Variants in RBFOX1 observed in about 807,000 individuals in gnomAD.
RBFOX1 encodes RNA binding protein fox-1 homolog 1.
A neutral mutation model predicts 57.7 loss-of-function variants in RBFOX1; 8 were observed. The observed-to-expected ratio is 0.14, with a 90% CI of 0.08 to 0.25. The LOEUF (loss-of-function observed/expected upper bound fraction) is 0.25. Among genes scored for constraint, RBFOX1 ranks in the 10% least tolerant of loss-of-function variants. The pLI is 1.00. For missense variants in RBFOX1, 611 were observed against 548.5 expected (o/e 1.11, Z -1.14); for synonymous variants, 326 against 222.4 (o/e 1.47, Z -4.15).
chr16:5,552,101 T>C (rs755115529), intron 2 of RBFOX1, among the ~76,000 whole-genome samples: 18 of 152,142 alleles, frequency 1.2e-4, no homozygotes, highest in Non-Finnish European at 2.4e-4. Flanking sequence ...ACCGTGAAAT[T>C]GAACTAAGAT....
chr16:7,351,560 A>G (rs76558329), intron 4 of RBFOX1, among the ~76,000 whole-genome samples: 1 of 152,236 alleles, frequency 6.6e-6, no homozygotes, highest in East Asian at 1.9e-4. Context: ...GTAAGAGGGA[A>G]GAAACAGTTA....
rs1247108817 is a variant in RBFOX1, at chr16:7,664,787, C to G, written c.891-142C>G. On this transcript the variant is annotated intron_variant, in intron 12 of 15. Coordinates refer to ENST00000550418, the MANE Select transcript of RBFOX1 (RefSeq NM_018723.4). The stretch of plus-strand genomic sequence containing the variant: ...GCTCAACTGCCGTTGTCTCCAACCT[C>G]CTTAATCCAATGTGAAAACGATCCT... 6.0e-6 allele frequency: 9 copies of G among 1,506,528 alleles called. No individual in the cohort carries two copies. The Admixed American group carries it at 1.0e-4, about 17-fold the overall frequency. 93.3% of individuals were successfully genotyped at this position (1,506,528 alleles called of 1,614,324 possible).
chr16:7,688,357 A>G (rs2147221762), intron 14 of RBFOX1, among the ~76,000 whole-genome samples: 1 of 152,120 alleles, frequency 6.6e-6, no homozygotes, highest in East Asian at 1.9e-4. Context: ...ATATTTAACA[A>G]TAGCAATGTA....
At chr16:7,183,515 T>G (rs1251660160) in intron 4 of RBFOX1, among the ~76,000 whole-genome samples, 2 of 152,242 alleles carry the variant, frequency 1.3e-5, no homozygotes, top group Admixed American at 1.3e-4. Flanking sequence ...ATGCTTTATC[T>G]ATTTTTTCTT....
intron 1 of RBFOX1, among the ~76,000 whole-genome samples, chr16:5,352,406 C>T (rs548639318): frequency 1.3e-5 from 2 of 152,300 alleles, no homozygotes; most frequent in South Asian, 2.1e-4. Flanking sequence ...AGAAAAGTTG[C>T]GGACATCTAC....
At chr16:7,558,748 T>C (rs1406555139) in intron 5 of RBFOX1, among the ~76,000 whole-genome samples, 2 of 152,194 alleles carry the variant, frequency 1.3e-5, no homozygotes, top group Non-Finnish European at 2.9e-5. Context: ...GGAATGTGCA[T>C]TTCTAAAGAG....
rs961900238 is a variant in RBFOX1 at position 7,186,824 on chromosome 16, C to G, written c.27+134726C>G. 1.2e-3 allele frequency among the ~76,000 whole-genome samples: 181 copies of G among 150,888 alleles called. 1 individual carries two copies. The highest frequency in any genetic ancestry group is 4.3e-3 in the African/African-American group (178 of 41,178). ...TATCCAGTCTGTATTAAAATGTATT[C>G]AGTGTTTTGAACAATATTCTTTATG... On this transcript the variant is annotated intron_variant, in intron 4 of 15. Transcript: ENST00000550418.
intron 2 of RBFOX1, among the ~76,000 whole-genome samples, chr16:6,514,473 A>G (rs1262731199): frequency 1.3e-5 from 2 of 152,154 alleles, no homozygotes; most frequent in African/African-American, 2.4e-5. Context: ...CCTCAACTAA[A>G]TTATTTTTCA....
intron 3 of RBFOX1, among the ~76,000 whole-genome samples, chr16:5,606,492 C>T (rs1293016073): frequency 1.3e-5 from 2 of 152,170 alleles, no homozygotes; most frequent in Admixed American, 6.5e-5. Context: ...TCACTCACCT[C>T]CTCTCTCCCT....
intron 3 of RBFOX1, among the ~76,000 whole-genome samples, chr16:6,881,397 C>A (rs2062902678): frequency 6.6e-6 from 1 of 152,136 alleles, no homozygotes; most frequent in South Asian, 2.1e-4. Context: ...GACTAGAAGT[C>A]CAGAATGAAG....
At chr16:5,597,606 G>T (rs1217269685) in intron 2 of RBFOX1, among the ~76,000 whole-genome samples, 4 of 151,830 alleles carry the variant, frequency 2.6e-5, no homozygotes, top group African/African-American at 9.7e-5. Flanking sequence ...CACCATGTTG[G>T]CCAGACTAGT....
At chr16:5,898,746 C>A (rs894086352) in intron 4 of RBFOX1, among the ~76,000 whole-genome samples, 1 of 151,736 alleles carries the variant, frequency 6.6e-6, no homozygotes. Flanking sequence ...TGTAGCTTCC[C>A]TCTCATTAAT....
chr16:6,511,337 A>G (rs768521518), intron 2 of RBFOX1, among the ~76,000 whole-genome samples: 4 of 152,184 alleles, frequency 2.6e-5, no homozygotes, highest in East Asian at 1.9e-4. Context: ...AATCTCTTCT[A>G]TGCTTTTTCT....
At position 7,661,145 on chromosome 16, in the gene RBFOX1, C is replaced by T. The variant is rs184553518; in HGVS notation, c.891-3784C>T. Among the ~76,000 whole-genome samples the T allele has an allele frequency of 9.2e-5, 14 of 152,288 alleles. No individual in the cohort carries two copies. In the East Asian group the frequency reaches 2.5e-3, roughly 27 times the overall value. On this transcript the variant is annotated intron_variant, in intron 12 of 15. Coordinates refer to ENST00000550418, the MANE Select transcript of RBFOX1 (RefSeq NM_018723.4). ...TTTTGGTAAAATTGGCTTCCCATTA[C>T]ATGGCTTTATTTCACACTGCCGGTG...
chr16:5,283,805 C>T (rs1353050952), intron 1 of RBFOX1, among the ~76,000 whole-genome samples: 1 of 152,140 alleles, frequency 6.6e-6, no homozygotes, highest in African/African-American at 2.4e-5. Context: ...TGCCTTGTGT[C>T]ACATGAGACT....
In RBFOX1 at chr16:5,805,416, A is replaced by G. The variant is rs9921360; in HGVS notation, c.319-61887A>G. The stretch of plus-strand genomic sequence containing the variant: ...ATGCAAATGTGAATTCTGATCCTCA[A>G]TTCCCTCATCTTTAATATGAAGCTG... On this transcript the variant is annotated intron_variant, in intron 3 of 19. Coordinates refer to the RBFOX1 transcript ENST00000641259. Among the ~76,000 whole-genome samples, 1,202 of 152,318 alleles carry G rather than the reference A, an allele frequency of 7.9e-3. 19 individuals carry two copies. The highest frequency in any genetic ancestry group is 0.027 in the African/African-American group (1,124 of 41,570).
At chr16:5,669,674 A>G (rs559400058) in intron 3 of RBFOX1, among the ~76,000 whole-genome samples, 20 of 152,088 alleles carry the variant, frequency 1.3e-4, no homozygotes, top group Non-Finnish European at 2.4e-4. Context: ...TGCCTTGGCC[A>G]CCCAAAGTGG....
chr16:5,753,111 G>A (rs989183951), intron 3 of RBFOX1, among the ~76,000 whole-genome samples: 1 of 151,816 alleles, frequency 6.6e-6, no homozygotes, highest in Non-Finnish European at 1.5e-5. Flanking sequence ...AGTGAGCTGT[G>A]ATCACACCAC....
At chr16:6,344,261 G>C (rs933310697) in intron 2 of RBFOX1, among the ~76,000 whole-genome samples, 2 of 151,978 alleles carry the variant, frequency 1.3e-5, no homozygotes, top group African/African-American at 4.8e-5. Context: ...ATGTTGGCCA[G>C]GATGGTCTCT....
Sources: gnomAD v4.1 joint callset for allele counts (sites outside exome capture counted in the v4.1 genomes callset) on GRCh38, gnomAD v4.1.1 for gene constraint, MANE v1.5 for transcripts, NCBI Gene and HGNC (gene_info 2026-07-23, HGNC 2026-07-21) for gene names.